NRCAM: variants seen among roughly 807,000 people sequenced by gnomAD.
The protein encoded by NRCAM is neuronal cell adhesion molecule, also known as NgCAM-related cell adhesion molecule.
In NRCAM, 83 loss-of-function variants were observed where a neutral mutation model predicts 156.5. That is an observed-to-expected ratio of 0.53 (90% CI 0.44 to 0.64). NRCAM has a LOEUF of 0.64. Ranked by LOEUF, NRCAM falls within the 30% of genes least tolerant of loss-of-function variation. The pLI is 0.00. For missense variants in NRCAM, 1,417 were observed against 1,597.3 expected (o/e 0.89, Z 1.92); for synonymous variants, 538 against 563.9 (o/e 0.95, Z 0.65).
At chr7:108,385,588 C>G (rs1183664821) in intron 2 of NRCAM, among the ~76,000 whole-genome samples, 1 of 152,044 alleles carries the variant, frequency 6.6e-6, no homozygotes, top group Non-Finnish European at 1.5e-5. Flanking sequence ...TATTTAATAC[C>G]CAGAAATAAT....
At position 108,287,183 on chromosome 7, in the gene NRCAM, A is replaced by C. The variant is rs559886934; in HGVS notation, c.-107+25482T>G. Among the ~76,000 whole-genome samples the C allele has an allele frequency of 3.3e-5, 5 of 152,162 alleles. No individual in the cohort carries two copies. The South Asian group carries it at 1.0e-3, about 32-fold the overall frequency. ...GATATAAAAATGAACAGCTATAAAAATATATAACAATATATATAAACAACT... is the reference window on the plus strand; with the variant it reads ...GATATAAAAATGAACAGCTATAAAACTATATAACAATATATATAAACAACT... On this transcript the variant is annotated intron_variant, in intron 3 of 32. Coordinates refer to ENST00000379028, the MANE Select transcript of NRCAM (RefSeq NM_001037132.4).
chr7:108,313,297 G>C (rs1207669085), intron 2 of NRCAM: 1 of 152,162 alleles, frequency 6.6e-6, no homozygotes, highest in Non-Finnish European at 1.5e-5. Context: ...TTTGCAAATA[G>C]TCCAGCTGAG....
chr7:108,353,384 ACT>A (rs58986016), intron 2 of NRCAM, among the ~76,000 whole-genome samples: 4,334 of 151,162 alleles, frequency 0.029, 199 homozygotes, highest in African/African-American at 0.099. Flanking sequence ...ACAGGGTCTC[ACT>A]CTGTCACCCA....
At chr7:108,412,863 G>A (rs187394859) in intron 1 of NRCAM, among the ~76,000 whole-genome samples, 283 of 152,194 alleles carry the variant, frequency 1.9e-3, no homozygotes, top group African/African-American at 6.3e-3. Flanking sequence ...CCATGTTGTC[G>A]TGAATGACAG....
rs552793208 is a variant in NRCAM at position 108,327,520 on chromosome 7, T to C, written c.-173-14789A>G. Among the ~76,000 whole-genome samples, 21 of 152,256 alleles carry C rather than the reference T, an allele frequency of 1.4e-4. No homozygotes were observed. The South Asian group carries it at 4.4e-3, about 32-fold the overall frequency. Reference sequence around the variant, plus strand: ...GATAATGAGTATTTTCAGGGGTGTTTCTAAAGATGCAAAACTTTGGTTTCA... The same window carrying C: ...GATAATGAGTATTTTCAGGGGTGTTCCTAAAGATGCAAAACTTTGGTTTCA... On this transcript the variant is annotated intron_variant, in intron 2 of 32. Coordinates refer to ENST00000379028, the MANE Select transcript of NRCAM (RefSeq NM_001037132.4).
At chr7:108,175,493 G>T in intron 27 of NRCAM, 136 bp from the exon 28 acceptor site, 1 of 727,370 alleles carries the variant, frequency 1.4e-6, no homozygotes. Context: ...ATCAGGTATA[G>T]GGGACAAAGA....
chr7:108,418,189 C>T (rs1804192402), intron 1 of NRCAM, among the ~76,000 whole-genome samples: 1 of 152,040 alleles, frequency 6.6e-6, no homozygotes, highest in African/African-American at 2.4e-5. Flanking sequence ...TGTGGTCTTC[C>T]CCACAGTTCA....
intron 3 of NRCAM, among the ~76,000 whole-genome samples, chr7:108,286,541 G>A (rs2098109186): frequency 6.6e-6 from 1 of 152,150 alleles, no homozygotes; most frequent in Admixed American, 6.6e-5. Flanking sequence ...ATTTGATGTG[G>A]AAAAGGAAGT....
intron 2 of NRCAM, among the ~76,000 whole-genome samples, chr7:108,318,489 T>A: frequency 6.6e-6 from 1 of 152,170 alleles, no homozygotes; most frequent in African/African-American, 2.4e-5. Context: ...GCTGTTAGAT[T>A]CCCTTTCTCA....
intron 5 of NRCAM, 33 bp downstream of exon 5, chr7:108,237,719 A>C (rs769400779): frequency 3.9e-6 from 6 of 1,532,844 alleles, no homozygotes; most frequent in Non-Finnish European, 4.4e-6. Context: ...TCACATTTTC[A>C]CACTGCCTAG....
chr7:108,239,879 A>C, intron 4 of NRCAM, 80 bp downstream of exon 4: 1 of 848,374 alleles, frequency 1.2e-6, no homozygotes, highest in Non-Finnish European at 1.9e-6. Context: ...CACCTTCTCC[A>C]TTCACGCAGT....
chr7:108,182,241 C>A (rs113143373), intron 23 of NRCAM, among the ~76,000 whole-genome samples: 14 of 152,210 alleles, frequency 9.2e-5, no homozygotes, highest in Admixed American at 2.6e-4. Flanking sequence ...TTGAACAACA[C>A]GGGTTTGAAC....
intron 3 of NRCAM, among the ~76,000 whole-genome samples, chr7:108,276,754 A>C (rs2097645483): frequency 6.6e-6 from 1 of 152,146 alleles, no homozygotes. Flanking sequence ...TAATATTGTT[A>C]GGTGTGAATT....
At chr7:108,437,797 T>C (rs7784170) in intron 1 of NRCAM, among the ~76,000 whole-genome samples, 37,425 of 151,974 alleles carry the variant, frequency 0.25, 4,924 homozygotes, top group Non-Finnish European at 0.29. Flanking sequence ...GTAAATGTAA[T>C]ATAAATGACA....
chr7:108,150,268 C>T, intron 32 of NRCAM, 121 bp from the exon 33 acceptor site: 1 of 804,754 alleles, frequency 1.2e-6, no homozygotes, highest in South Asian at 1.7e-5. Context: ...CTGGCCAAAT[C>T]TAATTTTCAG....
At chr7:108,435,459 AGAG>A (rs1453977654) in intron 1 of NRCAM, among the ~76,000 whole-genome samples, 3 of 152,306 alleles carry the variant, frequency 2.0e-5, no homozygotes, top group Non-Finnish European at 2.9e-5. Flanking sequence ...TTCCAAAAGC[AGAG>A]GAGAGGGGGA....
chr7:108,217,269 G>A (rs1207027443), intron 11 of NRCAM, among the ~76,000 whole-genome samples: 1 of 152,220 alleles, frequency 6.6e-6, no homozygotes, highest in Admixed American at 6.5e-5. Flanking sequence ...AGCAAAGGTT[G>A]CTGCCTGTTC....
intron 29 of NRCAM, among the ~76,000 whole-genome samples, chr7:108,167,278 C>G (rs1363808811): frequency 6.6e-6 from 1 of 152,120 alleles, no homozygotes; most frequent in African/African-American, 2.4e-5. Flanking sequence ...GAAAAATAGA[C>G]TGGGTATCTA....
intron 3 of NRCAM, among the ~76,000 whole-genome samples, chr7:108,265,352 T>C (rs1164295236): frequency 6.6e-6 from 1 of 152,196 alleles, no homozygotes; most frequent in Non-Finnish European, 1.5e-5. Context: ...GTGGTTCACC[T>C]TGCAGATGGA....
Sources: gnomAD v4.1 joint callset for allele counts (sites outside exome capture counted in the v4.1 genomes callset) on GRCh38, gnomAD v4.1.1 for gene constraint, MANE v1.5 for transcripts, NCBI Gene and HGNC (gene_info 2026-07-23, HGNC 2026-07-21) for gene names.